The following NAV3 variants were observed in gnomAD, a reference collection of about 807,000 sequenced individuals.
NAV3 encodes neuron navigator 3, also known as pore membrane and/or filament interacting like protein 1.
Under a neutral mutation model 244.7 loss-of-function variants are expected in NAV3, and 87 were observed. The ratio of observed to expected loss-of-function variants is 0.36; its 90% confidence interval spans 0.30 to 0.42. The LOEUF (loss-of-function observed/expected upper bound fraction) is 0.42, where lower values mean the gene tolerates loss of function less well. Ranked by LOEUF, NAV3 falls within the 20% of genes least tolerant of loss-of-function variation. The pLI is 1.00. For synonymous variants in NAV3, 1,126 were observed against 1,042.2 expected, an observed-to-expected ratio of 1.08 and a Z score of -1.55; for missense variants, 2,663 against 2,893.3, an observed-to-expected ratio of 0.92 and a Z score of 1.83.
At chr12:78,095,940 C>T (rs1954226868) in intron 12 of NAV3, among the ~76,000 whole-genome samples, 1 of 152,124 alleles carries the variant, frequency 6.6e-6, no homozygotes, top group Non-Finnish European at 1.5e-5. Flanking sequence ...GCTACATAGG[C>T]TAGTGGCAGA....
At chr12:78,157,146 T>C (rs923833843) in intron 22 of NAV3, among the ~76,000 whole-genome samples, 1 of 152,128 alleles carries the variant, frequency 6.6e-6, no homozygotes, top group African/African-American at 2.4e-5. Flanking sequence ...TGAAATGTCC[T>C]ATTTCTTGAC....
intron 5 of NAV3, among the ~76,000 whole-genome samples, chr12:77,971,507 A>G (rs562935179): frequency 6.6e-6 from 1 of 152,156 alleles, no homozygotes; most frequent in South Asian, 2.1e-4. Context: ...TTAATATGTA[A>G]ATTAGAATTT....
chr12:77,771,933 A>T (rs1003329301), intron 2 of NAV3, among the ~76,000 whole-genome samples: 3 of 152,200 alleles, frequency 2.0e-5, no homozygotes, highest in Non-Finnish European at 4.4e-5. Context: ...AAATTAAAAA[A>T]AAATGTAACC....
intron 2 of NAV3, among the ~76,000 whole-genome samples, chr12:77,760,262 G>GTGGAGA (rs1241642427): frequency 2.6e-5 from 4 of 152,180 alleles, no homozygotes; most frequent in African/African-American, 9.6e-5. Flanking sequence ...TCACATCCAG[G>GTGGAGA]TGGAGATCAA....
rs1877661466 is a variant in NAV3 at position 77,852,351 on chromosome 12, A to G, written c.243+20647A>G. The stretch of plus-strand genomic sequence containing the variant: ...GGAATTTGAGACCAGCCTGGCCAAC[A>G]TGGTGAAACCCCATCTCTACTAAAA... On this transcript the variant is annotated intron_variant, in intron 1 of 39. Transcript: ENST00000397909. Among the ~76,000 whole-genome samples, 10 of 152,156 alleles carry G rather than the reference A, an allele frequency of 6.6e-5. No individual in the cohort carries two copies. In the South Asian group the frequency reaches 2.1e-3, roughly 31 times the overall value.
intron 1 of NAV3, among the ~76,000 whole-genome samples, chr12:77,935,501 A>G (rs1361223120): frequency 6.6e-6 from 1 of 152,208 alleles, no homozygotes; most frequent in African/African-American, 2.4e-5. Flanking sequence ...AGAGTTTAAC[A>G]ATAATAATGG....
chr12:77,872,642 T>C (rs1365705322), intron 1 of NAV3, among the ~76,000 whole-genome samples: 6 of 152,150 alleles, frequency 3.9e-5, no homozygotes, highest in African/African-American at 1.4e-4. Flanking sequence ...GAGGCCCAAG[T>C]ACTGAGAAAA....
At chr12:77,592,594 A>G (rs1869957149) in intron 2 of NAV3, among the ~76,000 whole-genome samples, 2 of 152,198 alleles carry the variant, frequency 1.3e-5, no homozygotes, top group Non-Finnish European at 2.9e-5. Context: ...GCCTCCCTTA[A>G]TGGAGATAAT....
intron 2 of NAV3, among the ~76,000 whole-genome samples, chr12:77,706,728 G>A (rs919302342): frequency 1.3e-5 from 2 of 150,130 alleles, no homozygotes; most frequent in African/African-American, 5.0e-5. Flanking sequence ...AAAATTAGCA[G>A]GGCGTGGTGG....
chr12:77,905,445 T>C (rs1233537372), intron 1 of NAV3, among the ~76,000 whole-genome samples: 2 of 152,128 alleles, frequency 1.3e-5, no homozygotes, highest in African/African-American at 2.4e-5. Context: ...TCAAAATACA[T>C]GAGTCCAGTG....
intron 1 of NAV3, among the ~76,000 whole-genome samples, chr12:77,907,960 A>AATTG (rs1314068252): frequency 6.6e-6 from 1 of 152,138 alleles, no homozygotes; most frequent in Non-Finnish European, 1.5e-5. Context: ...GGCTGAATAA[A>AATTG]ATTGATGACA....
upstream of NAV3, among the ~76,000 whole-genome samples, chr12:77,830,491 C>A (rs1334488684): frequency 6.6e-6 from 1 of 152,142 alleles, no homozygotes; most frequent in Non-Finnish European, 1.5e-5. Flanking sequence ...TAATACATTC[C>A]ACATAAGTGT....
intron 2 of NAV3, among the ~76,000 whole-genome samples, chr12:77,628,733 T>TA (rs1423337178): frequency 6.7e-6 from 1 of 149,556 alleles, no homozygotes; most frequent in Non-Finnish European, 1.5e-5. Context: ...AAAAAAAAAA[T>TA]ACAAAAAATT....
chr12:77,632,064 T>C (rs1248330429), intron 2 of NAV3, among the ~76,000 whole-genome samples: 1 of 143,154 alleles, frequency 7.0e-6, no homozygotes, highest in Non-Finnish European at 1.5e-5. Flanking sequence ...CATGGAAGGA[T>C]TGAGTTGAGG....
chr12:77,722,553 G>GATTGCATGTAA (rs1876686427), intron 2 of NAV3, among the ~76,000 whole-genome samples: 1 of 152,040 alleles, frequency 6.6e-6, no homozygotes, highest in Non-Finnish European at 1.5e-5. Flanking sequence ...GCAGTATTCA[G>GATTGCATGTAA]ATTGCATGTA....
At chr12:77,932,330 C>G (rs568397412) in intron 1 of NAV3, among the ~76,000 whole-genome samples, 1 of 152,132 alleles carries the variant, frequency 6.6e-6, no homozygotes, top group South Asian at 2.1e-4. Context: ...TTTGGTTCAT[C>G]CTACCTTCCA....
chr12:77,793,184 A>C (rs1194251799), intron 2 of NAV3, among the ~76,000 whole-genome samples: 4 of 152,244 alleles, frequency 2.6e-5, no homozygotes, highest in Non-Finnish European at 5.9e-5. Context: ...ACCTTAGAAG[A>C]AAAAAGCAGT....
At chr12:77,946,510 C>A (rs1164568238) in intron 3 of NAV3, among the ~76,000 whole-genome samples, 1 of 151,986 alleles carries the variant, frequency 6.6e-6, no homozygotes, top group Non-Finnish European at 1.5e-5. Flanking sequence ...TGAGACTAAA[C>A]TGGTCCTGGA....
At chr12:77,801,385 TA>T (rs762207221) in intron 2 of NAV3, among the ~76,000 whole-genome samples, 2 of 152,154 alleles carry the variant, frequency 1.3e-5, no homozygotes, top group Non-Finnish European at 2.9e-5. Flanking sequence ...TTTCCTCTTC[TA>T]TTTTTAAAAT....
Sources: allele counts gnomAD v4.1 joint callset (sites outside exome capture counted in the v4.1 genomes callset), GRCh38; gene constraint gnomAD v4.1.1; transcripts MANE v1.5; gene names NCBI Gene and HGNC (gene_info 2026-07-23, HGNC 2026-07-21).